EFCAB5: variants seen among roughly 807,000 people sequenced by gnomAD.
EFCAB5 encodes the protein EF-hand calcium binding domain 5.
A neutral mutation model predicts 167.9 loss-of-function variants in EFCAB5; 131 were observed. The ratio of observed to expected loss-of-function variants is 0.78; its 90% CI spans 0.68 to 0.90. The LOEUF (loss-of-function observed/expected upper bound fraction) is 0.90, where lower values mean the gene tolerates loss of function less well. EFCAB5 is among the 40% of genes least tolerant of loss of function. The pLI, the probability that EFCAB5 is intolerant of heterozygous loss-of-function variation, is 0.00. For missense variants in EFCAB5, 1,663 were observed against 1,745.2 expected, an observed-to-expected ratio of 0.95 and a Z score of 0.84; for synonymous variants, 574 against 602.8, an observed-to-expected ratio of 0.95 and a Z score of 0.70.
intron 7 of EFCAB5, among the ~76,000 whole-genome samples, chr17:30,033,240 G>C (rs1352810528): frequency 6.6e-6 from 1 of 152,074 alleles, no homozygotes; most frequent in Non-Finnish European, 1.5e-5. Flanking sequence ...CACCACGCCC[G>C]GCTAATTTTT....
At position 30,092,296 on chromosome 17, in the gene EFCAB5, C is replaced by T. The variant is rs1417758024; in HGVS notation, c.4224+139C>T. ...AGTGGAACACGTTCACGTAACCAGACCTAGATCAAGAAATAGAGCATTTAT... is the reference window on the plus strand; with the variant it reads ...AGTGGAACACGTTCACGTAACCAGATCTAGATCAAGAAATAGAGCATTTAT... On this transcript the variant is annotated intron_variant, in intron 21 of 22. Transcript: ENST00000394835. 4 of 911,662 alleles carry T rather than the reference C, an allele frequency of 4.4e-6. No homozygotes were observed. In the African/African-American group the frequency reaches 6.7e-5, roughly 15 times the overall value. 56.5% of individuals were successfully genotyped at this position (911,662 alleles called of 1,614,324 possible).
chr17:30,024,287 T>G (rs1168725079), intron 7 of EFCAB5, among the ~76,000 whole-genome samples: 1 of 152,010 alleles, frequency 6.6e-6, no homozygotes, highest in Non-Finnish European at 1.5e-5. Flanking sequence ...AAAACCCCAT[T>G]GTCTCAGCCC....
At chr17:30,075,493 C>A (rs1272199166) in intron 14 of EFCAB5, among the ~76,000 whole-genome samples, 1 of 152,082 alleles carries the variant, frequency 6.6e-6, no homozygotes, top group Non-Finnish European at 1.5e-5. Context: ...CATGTAGACA[C>A]CCTCCTCACC....
chr17:30,055,224 T>C (rs2070219774), intron 10 of EFCAB5, among the ~76,000 whole-genome samples: 1 of 151,338 alleles, frequency 6.6e-6, no homozygotes, highest in South Asian at 2.1e-4. Flanking sequence ...CCTCAGGAGG[T>C]TGAGCCTGCA....
intron 14 of EFCAB5, among the ~76,000 whole-genome samples, chr17:30,061,905 C>A (rs986986542): frequency 6.6e-6 from 1 of 152,178 alleles, no homozygotes; most frequent in African/African-American, 2.4e-5. Context: ...ACAGCCTAAT[C>A]TTTTGGGCAG....
At chr17:30,100,440 G>A (rs528480539) in intron 22 of EFCAB5, among the ~76,000 whole-genome samples, 19 of 152,292 alleles carry the variant, frequency 1.2e-4, no homozygotes, top group Admixed American at 1.2e-3. Flanking sequence ...GGCACGGGCT[G>A]CAAATTTAAA....
chr17:29,930,571 C>G (rs1295198262), intron 1 of EFCAB5, among the ~76,000 whole-genome samples: 1 of 150,584 alleles, frequency 6.6e-6, no homozygotes, highest in Non-Finnish European at 1.5e-5. Context: ...GATGAAAATC[C>G]TGAAGCAAAC....
chr17:29,944,810 A>T (rs1192750795), intron 3 of EFCAB5, among the ~76,000 whole-genome samples: 3 of 151,542 alleles, frequency 2.0e-5, no homozygotes, highest in African/African-American at 7.3e-5. Flanking sequence ...TTTAATAGAG[A>T]TGGGGTTTCC....
At chr17:30,066,200 C>T (rs1221408335) in intron 14 of EFCAB5, among the ~76,000 whole-genome samples, 1 of 152,002 alleles carries the variant, frequency 6.6e-6, no homozygotes, top group Non-Finnish European at 1.5e-5. Flanking sequence ...AGACCACATG[C>T]TAAGTCACAA....
intron 14 of EFCAB5, among the ~76,000 whole-genome samples, chr17:30,066,780 C>T (rs1414726592): frequency 1.3e-5 from 2 of 151,200 alleles, no homozygotes; most frequent in Non-Finnish European, 2.9e-5. Flanking sequence ...GCTAGACTAA[C>T]CAAGAAAAAA....
intron 19 of EFCAB5, among the ~76,000 whole-genome samples, chr17:30,087,906 G>C (rs559198146): frequency 6.6e-6 from 1 of 152,078 alleles, no homozygotes; most frequent in Non-Finnish European, 1.5e-5. Context: ...TTGCATTCCC[G>C]CCAGCAGTGT....
rs138552179 is a variant in EFCAB5 at position 29,967,868 on chromosome 17, C to T, written c.191-923C>T. 6.2e-4 allele frequency among the ~76,000 whole-genome samples: 93 copies of T among 151,102 alleles called. 1 individual carries two copies. The highest frequency in any genetic ancestry group is 2.1e-3 in the African/African-American group (88 of 41,132). On this transcript the variant is annotated intron_variant, in intron 3 of 22. Transcript: ENST00000394835. ...ACATGTGTGGTAGACTCTTTGCTTA[C>T]TCACCACACATTTCCTCACCTTTTT...
At chr17:29,991,074 G>A (rs1198073385) in intron 4 of EFCAB5, among the ~76,000 whole-genome samples, 1 of 152,136 alleles carries the variant, frequency 6.6e-6, no homozygotes, top group African/African-American at 2.4e-5. Flanking sequence ...AAGGTTCCAA[G>A]GTGGAATGAA....
intron 4 of EFCAB5, among the ~76,000 whole-genome samples, chr17:29,990,118 T>C (rs2068380468): frequency 1.3e-5 from 2 of 152,158 alleles, no homozygotes; most frequent in South Asian, 2.1e-4. Context: ...AAGTTGTCCA[T>C]TGGGCCCTTC....
intron 22 of EFCAB5, among the ~76,000 whole-genome samples, chr17:30,102,727 C>T (rs1209661781): frequency 1.3e-5 from 2 of 152,112 alleles, no homozygotes; most frequent in Non-Finnish European, 2.9e-5. Context: ...TTTTAAAAAA[C>T]TGTCTCTGGG....
intron 14 of EFCAB5, among the ~76,000 whole-genome samples, chr17:30,076,353 C>T (rs1434059640): frequency 6.6e-6 from 1 of 152,260 alleles, no homozygotes; most frequent in Non-Finnish European, 1.5e-5. Context: ...GCCTAAGGCA[C>T]ATGCTCCACC....
At chr17:30,016,740 C>G (rs762308382) in intron 7 of EFCAB5, among the ~76,000 whole-genome samples, 1 of 152,126 alleles carries the variant, frequency 6.6e-6, no homozygotes, top group Non-Finnish European at 1.5e-5. Context: ...ATTTAAAAAA[C>G]TCTCCTCAAT....
At chr17:30,063,756 C>A (rs2070488307) in intron 14 of EFCAB5, among the ~76,000 whole-genome samples, 1 of 152,176 alleles carries the variant, frequency 6.6e-6, no homozygotes, top group Non-Finnish European at 1.5e-5. Flanking sequence ...GAGGGATCCC[C>A]CTCAGCTAAG....
intron 4 of EFCAB5, among the ~76,000 whole-genome samples, chr17:29,971,909 A>T (rs1037155670): frequency 6.6e-6 from 1 of 152,292 alleles, no homozygotes; most frequent in Non-Finnish European, 1.5e-5. Flanking sequence ...CAGTATCATC[A>T]TGGATGCATG....
Sources: allele counts gnomAD v4.1 joint callset (sites outside exome capture counted in the v4.1 genomes callset), GRCh38; gene constraint gnomAD v4.1.1; transcripts MANE v1.5; gene names NCBI Gene and HGNC (gene_info 2026-07-23, HGNC 2026-07-21).